The following C10orf90 variants were observed in gnomAD, a reference collection of about 807,000 sequenced individuals.
The protein encoded by C10orf90 is (E2-independent) E3 ubiquitin-conjugating enzyme FATS.
C10orf90 carries 56 observed loss-of-function variants against 62.5 expected under a neutral mutation model. The observed-to-expected ratio is 0.90, with a 90% CI of 0.72 to 1.12. C10orf90 has a LOEUF of 1.12. Ranked by LOEUF, C10orf90 falls within the 50% of genes most tolerant of loss-of-function variation. C10orf90 has a pLI of 0.00. For missense variants in C10orf90, 970 were observed against 880.4 expected (o/e 1.10, Z -1.29); for synonymous variants, 386 against 340.4 (o/e 1.13, Z -1.47).
At chr10:126,559,446 G>A (rs1045018991) in intron 2 of C10orf90, among the ~76,000 whole-genome samples, 29 of 152,192 alleles carry the variant, frequency 1.9e-4, no homozygotes, top group African/African-American at 6.5e-4. Flanking sequence ...ACGAGGGCAA[G>A]TTCTGTGTTT....
chr10:126,449,536 T>C (rs1003231866), intron 7 of C10orf90, among the ~76,000 whole-genome samples: 2 of 152,134 alleles, frequency 1.3e-5, no homozygotes, highest in African/African-American at 4.8e-5. Context: ...GTCCTAGCTA[T>C]GGCAATTATT....
At chr10:126,527,700 T>C (rs1202221036) in intron 2 of C10orf90, among the ~76,000 whole-genome samples, 1 of 152,182 alleles carries the variant, frequency 6.6e-6, no homozygotes, top group Non-Finnish European at 1.5e-5. Context: ...GAAACAGGGA[T>C]TGTGATGTCT....
intron 2 of C10orf90, among the ~76,000 whole-genome samples, chr10:126,623,945 T>A (rs1164892575): frequency 6.6e-6 from 1 of 152,112 alleles, no homozygotes; most frequent in Non-Finnish European, 1.5e-5. Context: ...AGAGTGAATA[T>A]TTAATAAATA....
Position 126,504,776 on chromosome 10 carries a change from T to C in C10orf90, c.715A>G (p.Ile239Val), listed in dbSNP as rs758478940. ...GGGGGGCCCACGCGTCTGGCCGTGATGGTGATGGATGCAAACCCTCTGCGG... is the reference window on the plus strand; with the variant it reads ...GGGGGGCCCACGCGTCTGGCCGTGACGGTGATGGATGCAAACCCTCTGCGG... ...GPRRGFASITITARRVGPPAR... is the reference protein window; with the variant it reads ...GPRRGFASITVTARRVGPPAR... The change falls in exon 4 of 10, where the codon ATC becomes GTC. Residue 239 changes from isoleucine (I) to valine (V), a missense_variant. Transcript: ENST00000488181. The surrounding 1 kb of genome is among the most constrained non-coding windows in gnomAD (Gnocchi z 4.1). 4 of 1,584,752 alleles carry C rather than the reference T, an allele frequency of 2.5e-6. No individual in the cohort carries two copies.
intron 2 of C10orf90, among the ~76,000 whole-genome samples, chr10:126,580,166 G>T (rs1844716707): frequency 6.6e-6 from 1 of 152,118 alleles, no homozygotes; most frequent in Admixed American, 6.5e-5. Flanking sequence ...CATAGGGTCT[G>T]GTAAAGGAAA....
intron 2 of C10orf90, among the ~76,000 whole-genome samples, chr10:126,533,789 C>G (rs1328674718): frequency 6.6e-6 from 1 of 152,204 alleles, no homozygotes; most frequent in Non-Finnish European, 1.5e-5. Context: ...TTGTTTAAGG[C>G]ATCAAATGCT....
At chr10:126,503,480 G>A (rs4246194) in intron 4 of C10orf90, among the ~76,000 whole-genome samples, 29,166 of 152,016 alleles carry the variant, frequency 0.19, 3,890 homozygotes, top group African/African-American at 0.37. Flanking sequence ...ACACTTACAC[G>A]CTCCATTATG....
At chr10:126,480,744 T>C (rs1051072604) in intron 4 of C10orf90, among the ~76,000 whole-genome samples, 12 of 152,260 alleles carry the variant, frequency 7.9e-5, no homozygotes, top group African/African-American at 2.9e-4. Context: ...GGAATCCATA[T>C]GCAAGCACTA....
chr10:126,443,832 T>C (rs1449273809), intron 7 of C10orf90, among the ~76,000 whole-genome samples: 1 of 152,028 alleles, frequency 6.6e-6, no homozygotes. Flanking sequence ...ACTATGATCA[T>C]GTGGGTTTCA....
chr10:126,546,319 G>T (rs1009144890), intron 2 of C10orf90, among the ~76,000 whole-genome samples: 7 of 152,192 alleles, frequency 4.6e-5, no homozygotes, highest in Non-Finnish European at 8.8e-5. Flanking sequence ...GCAGGGTGGG[G>T]TCAGAGAAAG....
intron 2 of C10orf90, among the ~76,000 whole-genome samples, chr10:126,515,388 T>C (rs1334382959): frequency 6.6e-6 from 1 of 152,226 alleles, no homozygotes; most frequent in Non-Finnish European, 1.5e-5. Flanking sequence ...AATTGTCCTA[T>C]ACAGGTAGGC....
chr10:126,592,645 T>C (rs926173116), intron 2 of C10orf90, among the ~76,000 whole-genome samples: 5 of 152,182 alleles, frequency 3.3e-5, no homozygotes, highest in African/African-American at 9.7e-5. Context: ...AAAGATTTCA[T>C]GGCAAAAACA....
chr10:126,490,049 AT>A (rs1473122004), intron 4 of C10orf90, among the ~76,000 whole-genome samples: 6 of 94,914 alleles, frequency 6.3e-5, no homozygotes, highest in African/African-American at 2.0e-4. Context: ...TATATTATAT[AT>A]TATGTTATAT....
At position 126,532,534 on chromosome 10, in the gene C10orf90, C is replaced by T. The variant is rs77860262; in HGVS notation, c.314-18595G>A. Among the ~76,000 whole-genome samples the T allele has an allele frequency of 6.1e-3, 927 of 151,976 alleles. 9 individuals carry two copies. The highest frequency in any genetic ancestry group is 0.021 in the African/African-American group (881 of 41,460). ...GAACCCCCGATAAGTAAGGTTTGGA[C>T]TCATATAAAGAGTGAGCACATGGCC... On this transcript the variant is annotated intron_variant, in intron 2 of 9. Transcript: ENST00000488181.
rs148442123 is a variant in C10orf90, at chr10:126,602,190, G to A, written c.313+44375C>T. On this transcript the variant is annotated intron_variant, in intron 2 of 9. Coordinates refer to ENST00000488181, the MANE Select transcript of C10orf90 (RefSeq NM_001350921.2). ...CTTCTGATGAATCACATCTCTAAGCGAGCTATTATACTGTAATCCTAATCA... is the reference window on the plus strand; with the variant it reads ...CTTCTGATGAATCACATCTCTAAGCAAGCTATTATACTGTAATCCTAATCA... Among the ~76,000 whole-genome samples the A allele has an allele frequency of 3.8e-3, 579 of 152,238 alleles. 12 individuals are homozygous for A. The highest frequency in any genetic ancestry group is 1.4e-3 in the East Asian group (7 of 5,168).
At chr10:126,576,862 G>A (rs1423834732) in intron 2 of C10orf90, among the ~76,000 whole-genome samples, 1 of 149,896 alleles carries the variant, frequency 6.7e-6, no homozygotes, top group African/African-American at 2.5e-5. Flanking sequence ...AGATGGAACT[G>A]AAGGACATTA....
chr10:126,579,732 A>T (rs12264770), intron 2 of C10orf90, among the ~76,000 whole-genome samples: 52,052 of 151,596 alleles, frequency 0.34, 9,449 homozygotes, highest in Middle Eastern at 0.41. Flanking sequence ...TTATTGCAAA[A>T]TATCTCACAT....
chr10:126,426,305 G>A (rs1026035982), intron 8 of C10orf90, among the ~76,000 whole-genome samples: 1 of 152,238 alleles, frequency 6.6e-6, no homozygotes, highest in Admixed American at 6.5e-5. Flanking sequence ...CCAGTGCTAC[G>A]TGGGGCAATG....
chr10:126,618,925 C>A (rs996172996), intron 2 of C10orf90, among the ~76,000 whole-genome samples: 4 of 152,126 alleles, frequency 2.6e-5, no homozygotes, highest in Admixed American at 2.6e-4. Context: ...TGGAATCAAC[C>A]TAAATGCCCA....
Sources: allele counts gnomAD v4.1 joint callset (sites outside exome capture counted in the v4.1 genomes callset), GRCh38; gene constraint gnomAD v4.1.1; non-coding constraint Gnocchi (gnomAD v3.1); transcripts MANE v1.5; gene names NCBI Gene and HGNC (gene_info 2026-07-23, HGNC 2026-07-21).